The following LMLN variants were observed in gnomAD, a reference collection of about 807,000 sequenced individuals.
LMLN encodes the protein leishmanolysin-like peptidase.
LMLN carries 70 observed loss-of-function variants against 92.3 expected under a neutral mutation model. The observed-to-expected ratio is 0.76, with a 90% CI of 0.63 to 0.92. The LOEUF (loss-of-function observed/expected upper bound fraction) is 0.92. Ranked by LOEUF, LMLN falls within the 40% of genes least tolerant of loss-of-function variation. The pLI, the probability that LMLN is intolerant of heterozygous loss-of-function variation, is 0.00. For synonymous variants in LMLN, 308 were observed against 296.2 expected (o/e 1.04, Z -0.41); for missense variants, 691 against 814.6 (o/e 0.85, Z 1.85).
chr3:198,003,542 A>G (rs1722231351), intron 11 of LMLN, among the ~76,000 whole-genome samples: 1 of 152,168 alleles, frequency 6.6e-6, no homozygotes, highest in South Asian at 2.1e-4. Flanking sequence ...ATAATCACCT[A>G]GCAAGCTTTT....
chr3:197,992,696 C>T (rs190604623), intron 9 of LMLN, among the ~76,000 whole-genome samples: 2 of 152,214 alleles, frequency 1.3e-5, no homozygotes, highest in African/African-American at 4.8e-5. Context: ...TGAATTTCAC[C>T]AAATGTTTAA....
intron 15 of LMLN, 91 bp from the exon 17 acceptor site, chr3:198,038,476 A>G: frequency 1.1e-6 from 1 of 928,428 alleles, no homozygotes; most frequent in African/African-American, 1.6e-5. Flanking sequence ...TTACTTTTTA[A>G]TAATCACTGC....
At chr3:198,002,946 C>A in intron 11 of LMLN, 69 bp from the exon 12 acceptor site, 1 of 850,750 alleles carries the variant, frequency 1.2e-6, no homozygotes, top group Non-Finnish European at 1.9e-6. Context: ...TTGAGATTCT[C>A]AATTGTTATG....
intron 8 of LMLN, among the ~76,000 whole-genome samples, chr3:197,988,322 A>C (rs1363464929): frequency 6.6e-6 from 1 of 151,906 alleles, no homozygotes; most frequent in Non-Finnish European, 1.5e-5. Context: ...AAAGATTATA[A>C]AAATATTCTC....
intron 11 of LMLN, among the ~76,000 whole-genome samples, chr3:198,008,515 C>G (rs936494904): frequency 2.0e-5 from 3 of 152,142 alleles, no homozygotes; most frequent in African/African-American, 7.2e-5. Context: ...TGCTTGAGCC[C>G]AGGAGTTCAA....
At chr3:198,039,047 A>G (rs1723323632) in exon 16 of LMLN, 1 of 192,588 alleles carries the variant, frequency 5.2e-6, no homozygotes, top group African/African-American at 2.5e-5. Context: ...AACCACTTTC[A>G]TCTGCAACCC....
At chr3:197,994,055 T>G (rs1483030835) in intron 9 of LMLN, among the ~76,000 whole-genome samples, 1 of 152,188 alleles carries the variant, frequency 6.6e-6, no homozygotes, top group Non-Finnish European at 1.5e-5. Flanking sequence ...TTGGGAGAAC[T>G]GGATATCCAT....
In LMLN at chr3:198,025,441, G is replaced by A. The variant is rs926602075; in HGVS notation, c.1656+653G>A. Among the ~76,000 whole-genome samples the A allele has an allele frequency of 1.3e-5, 2 of 151,758 alleles. No homozygotes were observed. Among genetic ancestry groups the A allele is most frequent in the South Asian group, 4.2e-4 (2 of 4,794 alleles). On this transcript the variant is annotated intron_variant, in intron 14 of 15. Coordinates refer to ENST00000330198, the Ensembl canonical transcript of LMLN. The surrounding 1 kb of genome is among the most constrained non-coding windows in gnomAD (Gnocchi z 4.3). ...TAGGCTGGAGTGCTGCTGCAGTCAC[G>A]GCTCATTATATCCTCTACCTCCTGG...
chr3:197,987,152 G>A (rs1264741783), intron 8 of LMLN, among the ~76,000 whole-genome samples: 1 of 129,226 alleles, frequency 7.7e-6, no homozygotes, highest in Non-Finnish European at 1.6e-5. Flanking sequence ...TGTTTAATAT[G>A]TTTGAATTTT....
chr3:197,975,020 GT>G, intron 2 of LMLN, 21 bp from the exon 3 acceptor site: 1 of 1,448,376 alleles, frequency 6.9e-7, no homozygotes, highest in African/African-American at 1.4e-5. Context: ...TAATCCTTAT[GT>G]TTTTATGTCA....
intron 1 of LMLN, among the ~76,000 whole-genome samples, chr3:197,963,209 T>TG (rs540566252): frequency 9.9e-5 from 15 of 151,830 alleles, no homozygotes; most frequent in Admixed American, 5.9e-4. Flanking sequence ...CTCTTTTTTT[T>TG]TTTTGTTTTG....
chr3:197,988,968 C>A (rs1480237218), intron 8 of LMLN, among the ~76,000 whole-genome samples: 1 of 152,192 alleles, frequency 6.6e-6, no homozygotes, highest in Non-Finnish European at 1.5e-5. Context: ...CAGGTGTGAG[C>A]CACTGCACCT....
At chr3:198,024,266 A>C (rs1483796839) in intron 13 of LMLN, among the ~76,000 whole-genome samples, 1 of 140,142 alleles carries the variant, frequency 7.1e-6, no homozygotes. Flanking sequence ...CCCAGGCTGG[A>C]GTGCAGTGGT....
intron 7 of LMLN, among the ~76,000 whole-genome samples, chr3:197,984,355 C>T (rs749377499): frequency 7.3e-5 from 11 of 151,714 alleles, no homozygotes; most frequent in Non-Finnish European, 1.2e-4. Context: ...TGGTAGAGGC[C>T]GACTTTGTAT....
In LMLN at chr3:197,967,338, T is replaced by G. The variant is rs371382043; in HGVS notation, c.219+6898T>G. Among the ~76,000 whole-genome samples the G allele has an allele frequency of 2.0e-4, 30 of 152,344 alleles. No individual in the cohort carries two copies. The East Asian group carries it at 4.0e-3, about 21-fold the overall frequency. On this transcript the variant is annotated intron_variant, in intron 1 of 15. Coordinates refer to ENST00000330198, the Ensembl canonical transcript of LMLN. ...AGAAAGAGTACAAAGAGTGGAATTT[T>G]ACAGCTGGGCCTCCAGGGATGACAT... is the stretch of plus-strand genomic sequence containing the variant.
chr3:197,963,173 AT>A (rs1317168493), intron 1 of LMLN, among the ~76,000 whole-genome samples: 6 of 148,358 alleles, frequency 4.0e-5, no homozygotes, highest in African/African-American at 7.5e-5. Context: ...TAGATCTTGC[AT>A]TTTTTCTTCT....
chr3:198,038,513 A>G, intron 15 of LMLN, 54 bp from the exon 17 acceptor site: 1 of 1,243,158 alleles, frequency 8.0e-7, no homozygotes. Context: ...TTTAATTGGT[A>G]TGATTTATCC....
At chr3:197,993,906 A>G (rs757192605) in intron 9 of LMLN, among the ~76,000 whole-genome samples, 1 of 152,204 alleles carries the variant, frequency 6.6e-6, no homozygotes, top group South Asian at 2.1e-4. Flanking sequence ...TGGCATAAAA[A>G]TAGGCACATT....
exon 14 of LMLN, chr3:198,024,734 G>A (rs752230200): frequency 6.2e-7 from 1 of 1,612,392 alleles, no homozygotes; most frequent in African/African-American, 1.3e-5. Context: ...CATTCGTTAT[G>A]GAGAAGTGTG....
Sources: allele counts gnomAD v4.1 joint callset (sites outside exome capture counted in the v4.1 genomes callset), GRCh38; gene constraint gnomAD v4.1.1; non-coding constraint Gnocchi (gnomAD v3.1); transcripts MANE v1.5; gene names NCBI Gene and HGNC (gene_info 2026-07-23, HGNC 2026-07-21).